The following SLC1A4 variants were observed in gnomAD, a reference collection of about 807,000 sequenced individuals.
SLC1A4 encodes solute carrier family 1 member 4.
Under a neutral mutation model 37.7 loss-of-function variants are expected in SLC1A4, and 19 were observed. The ratio of observed to expected loss-of-function variants is 0.50; its 90% CI spans 0.35 to 0.74. The LOEUF (loss-of-function observed/expected upper bound fraction) is 0.74. SLC1A4 is among the 30% of genes least tolerant of loss of function. The probability of loss-of-function intolerance (pLI) is 0.01; values close to 1 mark genes in which losing one functional copy is unlikely to be tolerated. For synonymous variants in SLC1A4, 299 were observed against 309.8 expected, an observed-to-expected ratio of 0.97 and a Z score of 0.37; for missense variants, 570 against 712.9, an observed-to-expected ratio of 0.80 and a Z score of 2.28.
At chr2:65,019,487 G>C (rs1674320679) in intron 7 of SLC1A4, among the ~76,000 whole-genome samples, 1 of 152,154 alleles carries the variant, frequency 6.6e-6, no homozygotes, top group Admixed American at 6.5e-5. Context: ...GTTAGCACGG[G>C]AACAGCACAC....
chr2:65,017,353 A>G (rs915165424), intron 5 of SLC1A4, among the ~76,000 whole-genome samples: 1 of 152,140 alleles, frequency 6.6e-6, no homozygotes, highest in African/African-American at 2.4e-5. Context: ...ACCTTAAAAA[A>G]AAAAAAAAAC....
intron 1 of SLC1A4, 145 bp downstream of exon 1, chr2:64,990,315 A>C: frequency 7.0e-6 from 6 of 854,916 alleles, no homozygotes; most frequent in Non-Finnish European, 8.7e-6. Context: ...AAAATATCAA[A>C]ATGACGTCTG....
intron 3 of SLC1A4, 147 bp downstream of exon 3, chr2:65,004,162 T>C (rs1323352357): frequency 1.1e-5 from 6 of 522,274 alleles, no homozygotes; most frequent in South Asian, 9.5e-5. Flanking sequence ...CCTTTGGTTA[T>C]GGCCAAATAC....
At chr2:65,007,277 TG>T (rs1558521209) in intron 3 of SLC1A4, among the ~76,000 whole-genome samples, 34 of 75,146 alleles carry the variant, frequency 4.5e-4, no homozygotes, top group Middle Eastern at 6.3e-3. Context: ...TGTTTGTGTG[TG>T]TGTGTGTGTG....
At chr2:65,014,648 G>A (rs1438973232) in intron 4 of SLC1A4, among the ~76,000 whole-genome samples, 1 of 152,224 alleles carries the variant, frequency 6.6e-6, no homozygotes, top group Non-Finnish European at 1.5e-5. Flanking sequence ...CTGGACTGCT[G>A]GTGGGAATGT....
intron 4 of SLC1A4, among the ~76,000 whole-genome samples, chr2:65,015,558 G>C (rs1674090507): frequency 6.6e-6 from 1 of 152,138 alleles, no homozygotes; most frequent in Non-Finnish European, 1.5e-5. Context: ...TTTGAAAGGA[G>C]AATGTATTCA....
At chr2:64,990,462 GC>G (rs1673011735) in intron 1 of SLC1A4, among the ~76,000 whole-genome samples, 1 of 152,138 alleles carries the variant, frequency 6.6e-6, no homozygotes, top group Non-Finnish European at 1.5e-5. Context: ...CAGCCGCCCC[GC>G]CTGTTCTTTA....
In SLC1A4 at chr2:65,022,550, T is replaced by C. The variant is rs1228454891; in HGVS notation, c.*1404T>C. 2 of 152,252 alleles carry C rather than the reference T, an allele frequency of 1.3e-5. No individual in the cohort carries two copies. Among genetic ancestry groups the C allele is most frequent in the Admixed American group, 1.3e-4 (2 of 15,288 alleles). The allele number at this position is 152,252 out of a possible 1,614,324, so 9.4% of individuals were successfully genotyped here. A position where few individuals can be genotyped will look rare whatever the true frequency, so the allele number is the denominator to read the frequency against. On this transcript the variant is annotated 3_prime_UTR_variant, in exon 8 of 8. Transcript: ENST00000234256. ...TGCTAACCCAGTATGTTCTTCTTTT[T>C]TATGTAAGGGACAGCTTTCTCCACA...
At chr2:65,011,647 G>C (rs1366226334) in intron 4 of SLC1A4, 2 of 148,278 alleles carry the variant, frequency 1.3e-5, no homozygotes, top group African/African-American at 5.3e-5. Context: ...ACAATTCTTA[G>C]ATTATTTGCT....
At chr2:65,007,643 T>C (rs1281042766) in intron 3 of SLC1A4, among the ~76,000 whole-genome samples, 1 of 152,250 alleles carries the variant, frequency 6.6e-6, no homozygotes, top group African/African-American at 2.4e-5. Flanking sequence ...CACTTTAGAA[T>C]TGCAGACCTG....
chr2:65,017,658 C>T (rs1315288851), intron 5 of SLC1A4, among the ~76,000 whole-genome samples: 2 of 152,098 alleles, frequency 1.3e-5, no homozygotes, highest in African/African-American at 4.8e-5. Context: ...CTCACAGAGC[C>T]ATTTCTGGGT....
At position 65,022,093 on chromosome 2, in the gene SLC1A4, T is replaced by C. The variant is rs558138140; in HGVS notation, c.*947T>C. Reference sequence around the variant, plus strand: ...CCTTGTTGATTTATCATCTATTATTTGAATTCAACTGGACACTCTGTAAAA... The same window carrying C: ...CCTTGTTGATTTATCATCTATTATTCGAATTCAACTGGACACTCTGTAAAA... On this transcript the variant is annotated 3_prime_UTR_variant, in exon 8 of 8. Coordinates refer to ENST00000234256, the MANE Select transcript of SLC1A4 (RefSeq NM_003038.5). The C allele has an allele frequency of 9.2e-5, 14 of 152,384 alleles. No homozygotes were observed. The highest frequency in any genetic ancestry group is 3.4e-4 in the African/African-American group (14 of 41,586). The allele number at this position is 152,384 out of a possible 1,614,324, so 9.4% of individuals were successfully genotyped here. A position where few individuals can be genotyped will look rare whatever the true frequency, so the allele number is the denominator to read the frequency against.
chr2:65,014,715 A>G (rs550396055), intron 4 of SLC1A4, among the ~76,000 whole-genome samples: 1 of 152,390 alleles, frequency 6.6e-6, no homozygotes, highest in Admixed American at 6.5e-5. Context: ...AATTTAAAAT[A>G]TGCACATCCT....
intron 7 of SLC1A4, among the ~76,000 whole-genome samples, chr2:65,019,462 G>A (rs932752793): frequency 5.3e-5 from 8 of 152,124 alleles, no homozygotes; most frequent in African/African-American, 1.9e-4. Flanking sequence ...CAGGGTTGTG[G>A]GGAAGATTGA....
chr2:64,992,059 G>C (rs1231725062), intron 1 of SLC1A4, among the ~76,000 whole-genome samples: 2 of 152,222 alleles, frequency 1.3e-5, no homozygotes, highest in Non-Finnish European at 2.9e-5. Context: ...CTGAAAAGAA[G>C]TCTCCTGAGG....
At chr2:65,016,944 C>A (rs775141904) in intron 5 of SLC1A4, among the ~76,000 whole-genome samples, 13 of 152,336 alleles carry the variant, frequency 8.5e-5, no homozygotes, top group Non-Finnish European at 1.6e-4. Context: ...CCACACCAAG[C>A]CTCACATGAT....
At chr2:65,008,040 C>T (rs1282631611) in intron 3 of SLC1A4, among the ~76,000 whole-genome samples, 1 of 152,176 alleles carries the variant, frequency 6.6e-6, no homozygotes, top group Non-Finnish European at 1.5e-5. Context: ...TCATGAGATC[C>T]ACTTTTTTAG....
At chr2:65,009,778 G>C (rs1175173789) in intron 3 of SLC1A4, among the ~76,000 whole-genome samples, 1 of 152,216 alleles carries the variant, frequency 6.6e-6, no homozygotes, top group African/African-American at 2.4e-5. Flanking sequence ...TTTTAAGTCA[G>C]TGATTTGGGA....
chr2:64,991,062 A>G (rs538846717), intron 1 of SLC1A4, among the ~76,000 whole-genome samples: 1 of 152,186 alleles, frequency 6.6e-6, no homozygotes, highest in Non-Finnish European at 1.5e-5. Context: ...TTGAGTGAGG[A>G]GTCCAGCTGG....
Sources: gnomAD v4.1 joint callset for allele counts (sites outside exome capture counted in the v4.1 genomes callset) on GRCh38, gnomAD v4.1.1 for gene constraint, MANE v1.5 for transcripts, NCBI Gene and HGNC (gene_info 2026-07-23, HGNC 2026-07-21) for gene names.